SLC7A11: variants seen among roughly 807,000 people sequenced by gnomAD.
The protein encoded by SLC7A11 is cystine/glutamate transporter.
A neutral mutation model predicts 54.5 loss-of-function variants in SLC7A11; 35 were observed. The ratio of observed to expected loss-of-function variants is 0.64; its 90% CI spans 0.49 to 0.85. The LOEUF (loss-of-function observed/expected upper bound fraction) is 0.85. SLC7A11 is among the 40% of genes least tolerant of loss of function. The pLI is 0.00. For missense variants in SLC7A11, 583 were observed against 618.1 expected (o/e 0.94, Z 0.60); for synonymous variants, 230 against 225.2 (o/e 1.02, Z -0.19).
intron 6 of SLC7A11, among the ~76,000 whole-genome samples, chr4:138,213,605 C>A (rs1051204505): frequency 2.0e-4 from 31 of 151,484 alleles, no homozygotes; most frequent in Non-Finnish European, 1.5e-5. Context: ...ACCTAAGGAA[C>A]ACCTACTCAT....
intron 11 of SLC7A11, 101 bp from the exon 12 acceptor site, chr4:138,172,118 A>AG: frequency 8.4e-7 from 1 of 1,183,434 alleles, no homozygotes; most frequent in Non-Finnish European, 1.2e-6. Context: ...AAAACACACA[A>AG]CTGTCTACTT....
chr4:138,228,738 G>A lies in SLC7A11; in HGVS notation c.520+3529C>T, dbSNP rs376280241. On this transcript the variant is annotated intron_variant, in intron 3 of 11. Transcript: ENST00000280612. ...CATGCCACTGCACTCCAGCCTGGGC[G>A]ACAGAGCAAGACTCCGTCTCAAAAA... 4.8e-4 allele frequency among the ~76,000 whole-genome samples: 62 copies of A among 127,962 alleles called. 1 individual carries two copies. The highest frequency in any genetic ancestry group is 1.8e-3 in the African/African-American group (56 of 31,268). 83.9% of individuals were successfully genotyped at this position (127,962 alleles called of 152,430 possible).
intron 6 of SLC7A11, among the ~76,000 whole-genome samples, chr4:138,212,697 C>G (rs994227280): frequency 2.0e-5 from 3 of 151,784 alleles, no homozygotes; most frequent in African/African-American, 7.2e-5. Context: ...AACGGCATAA[C>G]TAGCTTCAAG....
intron 6 of SLC7A11, among the ~76,000 whole-genome samples, chr4:138,197,096 G>C (rs1443804634): frequency 6.6e-6 from 1 of 152,166 alleles, no homozygotes; most frequent in Non-Finnish European, 1.5e-5. Context: ...ATTATTTCTA[G>C]TGCAGACTTC....
At chr4:138,190,129 G>C (rs1462868124) in intron 6 of SLC7A11, among the ~76,000 whole-genome samples, 2 of 152,132 alleles carry the variant, frequency 1.3e-5, no homozygotes, top group Non-Finnish European at 2.9e-5. Context: ...CTAGGCATGA[G>C]GATAGGCAGT....
intron 6 of SLC7A11, among the ~76,000 whole-genome samples, chr4:138,198,341 C>T (rs1212389895): frequency 6.6e-6 from 1 of 151,940 alleles, no homozygotes; most frequent in East Asian, 1.9e-4. Flanking sequence ...AAACTTTTTA[C>T]AAATAATATA....
intron 1 of SLC7A11, among the ~76,000 whole-genome samples, chr4:138,238,725 A>G (rs755935097): frequency 4.5e-4 from 69 of 152,056 alleles, no homozygotes; most frequent in African/African-American, 1.3e-3. Context: ...TCAGCCTCCC[A>G]AGTAGCTGGG....
intron 6 of SLC7A11, among the ~76,000 whole-genome samples, chr4:138,211,192 G>A (rs1483565913): frequency 1.3e-5 from 2 of 151,724 alleles, no homozygotes; most frequent in African/African-American, 2.4e-5. Context: ...TAAACATTGG[G>A]TACTCATGAA....
chr4:138,238,279 C>T (rs1456575440), intron 1 of SLC7A11, among the ~76,000 whole-genome samples: 1 of 152,098 alleles, frequency 6.6e-6, no homozygotes, highest in African/African-American at 2.4e-5. Context: ...TAGTACAGTA[C>T]ATGGCCTGAC....
At chr4:138,207,524 G>A (rs541923894) in intron 6 of SLC7A11, among the ~76,000 whole-genome samples, 21 of 152,088 alleles carry the variant, frequency 1.4e-4, no homozygotes, top group Admixed American at 3.9e-4. Context: ...GATCAACATG[G>A]TGAAACCCCA....
Position 138,170,233 on chromosome 4 carries a change from AGTGTGTGT to A in SLC7A11, c.*1715_*1722del, listed in dbSNP as rs1285231800. The A allele has an allele frequency of 1.0e-5, 1 of 98,628 alleles. No homozygotes were observed. The highest frequency in any genetic ancestry group is 3.8e-5 in the African/African-American group (1 of 26,514). The allele number at this position is 98,628 out of a possible 1,614,324, so 6.1% of individuals were successfully genotyped here. On this transcript the variant is annotated 3_prime_UTR_variant, in exon 12 of 12. Coordinates refer to ENST00000280612, the MANE Select transcript of SLC7A11 (RefSeq NM_014331.4). ...TATATATATATATATATATATAAAA[AGTGTGTGT>A]GTGTGTGTGTATATATATATATATA...
chr4:138,189,855 T>C (rs192304173), intron 6 of SLC7A11, among the ~76,000 whole-genome samples: 118 of 152,296 alleles, frequency 7.7e-4, no homozygotes, highest in African/African-American at 2.6e-3. Context: ...AAACCTAGCT[T>C]GATTCTCCAG....
intron 5 of SLC7A11, among the ~76,000 whole-genome samples, chr4:138,216,216 T>C (rs908804457): frequency 5.3e-5 from 8 of 152,190 alleles, no homozygotes; most frequent in African/African-American, 1.7e-4. Flanking sequence ...TGCATTCCAA[T>C]ACCCAACTAT....
Position 138,171,142 on chromosome 4 carries a change from G to T in SLC7A11, c.*814C>A, listed in dbSNP as rs963662565. The T allele has an allele frequency of 5.3e-5, 8 of 151,920 alleles. No homozygotes were observed. The highest frequency in any genetic ancestry group is 1.9e-4 in the African/African-American group (8 of 41,352). 9.4% of individuals were successfully genotyped at this position (151,920 alleles called of 1,614,324 possible). ...GGGTAAGTTATTAGTGAAACAGGTG[G>T]TTGTTCTAATGAGGATTTAATACCA... On this transcript the variant is annotated 3_prime_UTR_variant, in exon 12 of 12. Transcript: ENST00000280612.
intron 10 of SLC7A11, 141 bp from the exon 11 acceptor site, chr4:138,179,535 T>C (rs1318993425): frequency 1.6e-6 from 1 of 626,034 alleles, no homozygotes; most frequent in Non-Finnish European, 2.8e-6. Context: ...CAACGTGCCT[T>C]AGTAGCAAAA....
chr4:138,208,421 A>T (rs1162743051), intron 6 of SLC7A11, among the ~76,000 whole-genome samples: 1 of 152,100 alleles, frequency 6.6e-6, no homozygotes, highest in African/African-American at 2.4e-5. Flanking sequence ...TTTCATCAAC[A>T]CAAGATATGA....
intron 5 of SLC7A11, among the ~76,000 whole-genome samples, chr4:138,218,243 G>A (rs1268911196): frequency 6.6e-6 from 1 of 152,070 alleles, no homozygotes; most frequent in East Asian, 1.9e-4. Flanking sequence ...TATTTGTGTT[G>A]GAAATGCATT....
intron 11 of SLC7A11, 119 bp downstream of exon 11, chr4:138,179,098 T>G (rs1736653286): frequency 1.5e-6 from 1 of 671,712 alleles, no homozygotes; most frequent in Non-Finnish European, 2.5e-6. Flanking sequence ...AATGCCATAA[T>G]GTTCTCAAAT....
Position 138,225,171 on chromosome 4 carries a change from T to TATATATATATATAA in SLC7A11, c.521-1848_521-1847insTTATATATATATAT, listed in dbSNP as rs1491164718. 3.7e-4 allele frequency among the ~76,000 whole-genome samples: 48 copies of TATATATATATATAA among 131,460 alleles called. 1 individual carries two copies. In the East Asian group the frequency reaches 8.7e-3, roughly 24 times the overall value. 86.2% of individuals were successfully genotyped at this position (131,460 alleles called of 152,430 possible). On this transcript the variant is annotated intron_variant, in intron 3 of 11. Coordinates refer to ENST00000280612, the MANE Select transcript of SLC7A11 (RefSeq NM_014331.4). ...ATATATATATATATATATATATATATAAATAAAATCATTACATTGTACACC... is the reference window on the plus strand; with the variant it reads ...ATATATATATATATATATATATATATATATATATATATAAAAATAAAATCATTACATTGTACACC...
Sources: allele counts gnomAD v4.1 joint callset (sites outside exome capture counted in the v4.1 genomes callset), GRCh38; gene constraint gnomAD v4.1.1; transcripts MANE v1.5; gene names NCBI Gene and HGNC (gene_info 2026-07-23, HGNC 2026-07-21).